SCYL3: variants seen among roughly 807,000 people sequenced by gnomAD.
SCYL3 encodes the protein SCY1 like pseudokinase 3.
Under a neutral mutation model 73.8 loss-of-function variants are expected in SCYL3, and 35 were observed. That is an observed-to-expected ratio of 0.47 (90% CI 0.36 to 0.63). The LOEUF (loss-of-function observed/expected upper bound fraction) is 0.63. SCYL3 is among the 20% of genes least tolerant of loss of function. The probability of loss-of-function intolerance (pLI) is 0.00; values close to 1 mark genes in which losing one functional copy is unlikely to be tolerated. For missense variants in SCYL3, 712 were observed against 798.9 expected, an observed-to-expected ratio of 0.89 and a Z score of 1.31; for synonymous variants, 277 against 295.2, an observed-to-expected ratio of 0.94 and a Z score of 0.63.
intron 2 of SCYL3, among the ~76,000 whole-genome samples, chr1:169,881,525 A>G (rs12047487): frequency 6.6e-6 from 1 of 151,970 alleles, no homozygotes; most frequent in Non-Finnish European, 1.5e-5. Context: ...ACTAGATCTT[A>G]TATCTTCTAT....
At position 169,852,443 on chromosome 1, in the gene SCYL3, T is replaced by C; in HGVS notation, c.*1270A>G. 1 of 285,202 alleles carries C rather than the reference T, an allele frequency of 3.5e-6. No homozygotes were observed. The highest frequency in any genetic ancestry group is 6.6e-6 in the Non-Finnish European group (1 of 151,922). 17.7% of individuals were successfully genotyped at this position (285,202 alleles called of 1,614,324 possible). A position where few individuals can be genotyped will look rare whatever the true frequency, so the allele number is the denominator to read the frequency against. Reference sequence around the variant, plus strand: ...TCATGAAGAACAACATTCTGATAAGTTTTAGTCAAACTCTCATAAAAAGAA... The same window carrying C: ...TCATGAAGAACAACATTCTGATAAGCTTTAGTCAAACTCTCATAAAAAGAA... On this transcript the variant is annotated 3_prime_UTR_variant, in exon 13 of 13. Coordinates refer to ENST00000367771, the MANE Select transcript of SCYL3 (RefSeq NM_020423.7).
chr1:169,854,414 C>T lies in SCYL3; in HGVS notation c.1863G>A (p.Trp621Ter). ...KKPVKDPEMD[W>*]FADMIPEIKP... Reference sequence around the variant, plus strand: ...TAATTTCTGGGATCATATCAGCAAACCAATCCATCTCAGGATCTTTTACTG... The same window carrying T: ...TAATTTCTGGGATCATATCAGCAAATCAATCCATCTCAGGATCTTTTACTG... The change falls in exon 12 of 13, where the codon TGG becomes TGA. Residue 621 changes from tryptophan to a stop codon, truncating the protein, a stop_gained. Coordinates refer to ENST00000367771, the MANE Select transcript of SCYL3 (RefSeq NM_020423.7). LOFTEE classifies it high-confidence loss of function. 1 of 1,614,046 alleles carries T rather than the reference C, an allele frequency of 6.2e-7. No individual in the cohort carries two copies. The highest frequency in any genetic ancestry group is 8.5e-7 in the Non-Finnish European group (1 of 1,179,982).
chr1:169,884,771 G>C (rs1661558749), intron 2 of SCYL3, among the ~76,000 whole-genome samples: 1 of 152,160 alleles, frequency 6.6e-6, no homozygotes, highest in Non-Finnish European at 1.5e-5. Context: ...GTACTTGTTT[G>C]TTTAATAAAG....
intron 1 of SCYL3, among the ~76,000 whole-genome samples, chr1:169,889,601 C>A (rs1180025072): frequency 1.3e-5 from 2 of 151,842 alleles, no homozygotes; most frequent in Admixed American, 6.6e-5. Context: ...TAAAAAAAAA[C>A]AAAAGCCCAC....
intron 2 of SCYL3, among the ~76,000 whole-genome samples, chr1:169,882,495 G>A (rs1335639801): frequency 4.6e-5 from 7 of 152,212 alleles, no homozygotes; most frequent in African/African-American, 1.7e-4. Context: ...GAGGAGTGCG[G>A]GCACATGGCG....
chr1:169,853,641 C>A lies in SCYL3; in HGVS notation c.*72G>T. 1 of 1,537,936 alleles carries A rather than the reference C, an allele frequency of 6.5e-7. No homozygotes were observed. The highest frequency in any genetic ancestry group is 8.9e-7 in the Non-Finnish European group (1 of 1,120,848). ...ACTTTGGGGTTTTCTTGTCCCAAAG[C>A]CTGCTTTTGAGGTATTGATTTTTTT... On this transcript the variant is annotated 3_prime_UTR_variant, in exon 13 of 13. Transcript: ENST00000367771.
At chr1:169,883,443 C>A (rs1661447354) in intron 2 of SCYL3, among the ~76,000 whole-genome samples, 1 of 152,294 alleles carries the variant, frequency 6.6e-6, no homozygotes, top group African/African-American at 2.4e-5. Context: ...AGGGTCTACC[C>A]TATACAATCA....
intron 2 of SCYL3, among the ~76,000 whole-genome samples, chr1:169,881,293 T>C (rs2102198041): frequency 6.6e-6 from 1 of 152,342 alleles, no homozygotes; most frequent in South Asian, 2.1e-4. Context: ...TTTTTAATTT[T>C]CTTAAATTAA....
At position 169,876,005 on chromosome 1, in the gene SCYL3, AAC is replaced by A; in HGVS notation, c.436_437del (p.Val146LeufsTer2). 2 of 1,611,568 alleles carry A rather than the reference AAC, an allele frequency of 1.2e-6. No homozygotes were observed. The highest frequency in any genetic ancestry group is 1.7e-6 in the Non-Finnish European group (2 of 1,178,832). The stretch of plus-strand genomic sequence containing the variant: ...CTGGTGTGGCCTGAGAAACTTTACA[AAC>A]AGTTTCCATTCCTCCTAGCTTCCAG... ...GHWKLGGMET[V>X]CKVSQATPEF... On this transcript the variant is annotated frameshift_variant, in exon 4 of 13. Transcript: ENST00000367771. LOFTEE classifies it high-confidence loss of function.
intron 4 of SCYL3, among the ~76,000 whole-genome samples, chr1:169,874,972 A>G (rs1381577902): frequency 6.6e-6 from 1 of 152,206 alleles, no homozygotes; most frequent in African/African-American, 2.4e-5. Flanking sequence ...GGCTGAAGGT[A>G]GGCTGCAGAA....
intron 7 of SCYL3, 35 bp from the exon 8 acceptor site, chr1:169,867,008 A>G (rs1439232170): frequency 8.4e-7 from 1 of 1,194,610 alleles, no homozygotes; most frequent in Non-Finnish European, 1.2e-6. Flanking sequence ...TCAGCAGAAC[A>G]GATTAGAGAA....
Position 169,851,058 on chromosome 1 carries a change from T to C in SCYL3, c.*2655A>G, listed in dbSNP as rs1558103324. 8.3e-6 allele frequency: 1 copy of C among 120,346 alleles called. No individual in the cohort carries two copies. The highest frequency in any genetic ancestry group is 1.8e-5 in the Non-Finnish European group (1 of 55,908). 7.5% of individuals were successfully genotyped at this position (120,346 alleles called of 1,614,324 possible). ...AAGCTCAGGGCCCTTTTTTTTTTTT[T>C]TTTTTTTTTTTTTTTGGCATGGCTT... On this transcript the variant is annotated 3_prime_UTR_variant, in exon 13 of 13. Transcript: ENST00000367771.
At chr1:169,861,814 A>G (rs1659670690) in intron 10 of SCYL3, among the ~76,000 whole-genome samples, 1 of 152,192 alleles carries the variant, frequency 6.6e-6, no homozygotes, top group African/African-American at 2.4e-5. Context: ...ATTCATGTCC[A>G]TGCAGAATGT....
At chr1:169,855,040 G>T in intron 11 of SCYL3, 76 bp from the exon 12 acceptor site, 1 of 1,067,542 alleles carries the variant, frequency 9.4e-7, no homozygotes, top group Non-Finnish European at 1.3e-6. Context: ...ATAGCATTAA[G>T]GAAGTGTAGT....
intron 5 of SCYL3, among the ~76,000 whole-genome samples, chr1:169,871,079 A>AAT (rs55670950): frequency 0.12 from 18,682 of 152,180 alleles, 1,334 homozygotes; most frequent in Admixed American, 0.19. Context: ...AATCCTAAGT[A>AAT]ATGGGCAGCT....
Position 169,852,047 on chromosome 1 carries a change from C to T in SCYL3, c.*1666G>A. The stretch of plus-strand genomic sequence containing the variant: ...TCCAGCCTTATGCTGAATTTCAAAT[C>T]AAATAGATCTAGACATGTAAAATTC... On this transcript the variant is annotated 3_prime_UTR_variant, in exon 13 of 13. Transcript: ENST00000367771. 6.9e-7 allele frequency: 1 copy of T among 1,445,216 alleles called. No homozygotes were observed. The highest frequency in any genetic ancestry group is 9.6e-7 in the Non-Finnish European group (1 of 1,040,632). The allele number at this position is 1,445,216 out of a possible 1,614,324, so 89.5% of individuals were successfully genotyped here.
chr1:169,889,974 A>C (rs747653926), intron 1 of SCYL3, among the ~76,000 whole-genome samples: 11 of 152,222 alleles, frequency 7.2e-5, no homozygotes, highest in Admixed American at 1.3e-4. Flanking sequence ...GCACCTTCCA[A>C]ATCTTCTACA....
In SCYL3 at chr1:169,864,402, T is replaced by G; in HGVS notation, c.922A>C (p.Ser308Arg). 6.2e-7 allele frequency: 1 copy of G among 1,614,076 alleles called. No individual in the cohort carries two copies. ...LVFAEPVAVK[S>R]FLPYLLGPKK... Reference sequence around the variant, plus strand: ...GGGCCAAGCAGATAAGGAAGAAAACTCTTAACAGCCACTGGCTCTGCAAAC... The same window carrying G: ...GGGCCAAGCAGATAAGGAAGAAAACGCTTAACAGCCACTGGCTCTGCAAAC... Residue 308 changes from serine (S) to arginine (R), a missense_variant, in exon 9 of 13, where the codon AGT (serine) becomes CGT (arginine). By Grantham distance (110) the Ser-to-Arg change is moderately radical (BLOSUM62 -1). Around this residue, in one of 2 missense-constraint regions of SCYL3, gnomAD observed 342 missense variants for 448.1 expected, o/e 0.76. Transcript: ENST00000367771.
At chr1:169,887,894 T>C (rs1036181647) in intron 2 of SCYL3, among the ~76,000 whole-genome samples, 1 of 152,216 alleles carries the variant, frequency 6.6e-6, no homozygotes, top group African/African-American at 2.4e-5. Flanking sequence ...ACATCAATGT[T>C]CCATACCTGT....
Sources: gnomAD v4.1 joint callset for allele counts (sites outside exome capture counted in the v4.1 genomes callset) on GRCh38, gnomAD v4.1.1 for gene constraint, gnomAD v4.1.1 regional missense constraint, MANE v1.5 for transcripts, NCBI Gene and HGNC (gene_info 2026-07-23, HGNC 2026-07-21) for gene names.